UNC13C: variants seen among roughly 807,000 people sequenced by gnomAD.
UNC13C encodes unc-13 homolog C, also known as protein unc-13 homolog C.
Under a neutral mutation model 245.4 loss-of-function variants are expected in UNC13C, and 174 were observed. The ratio of observed to expected loss-of-function variants is 0.71; its 90% CI spans 0.63 to 0.80. The LOEUF (loss-of-function observed/expected upper bound fraction) is 0.80. Ranked by LOEUF, UNC13C falls within the 30% of genes least tolerant of loss-of-function variation. The probability of loss-of-function intolerance (pLI) is 0.00; values close to 1 mark genes in which losing one functional copy is unlikely to be tolerated. For missense variants in UNC13C, 2,829 were observed against 2,602.9 expected (o/e 1.09, Z -1.89); for synonymous variants, 992 against 895.1 (o/e 1.11, Z -1.93).
intron 10 of UNC13C, among the ~76,000 whole-genome samples, chr15:54,278,862 A>G (rs963866831): frequency 6.6e-6 from 1 of 152,184 alleles, no homozygotes; most frequent in Non-Finnish European, 1.5e-5. Context: ...TATGTGAACC[A>G]TCAGTCTTAC....
rs758225355 is a variant in UNC13C at position 54,098,262 on chromosome 15, C to T, written c.2984-44756C>T. 2.2e-4 allele frequency among the ~76,000 whole-genome samples: 34 copies of T among 152,256 alleles called. 1 individual carries two copies. Among genetic ancestry groups the T allele is most frequent in the Admixed American group, 6.5e-4 (10 of 15,290 alleles). On this transcript the variant is annotated intron_variant, in intron 2 of 32. Transcript: ENST00000260323. ...TGATGTTGGCTCACTGCAACCTCTGCCTGCTGGGTTCAAGCAATTCCACTG... is the reference window on the plus strand; with the variant it reads ...TGATGTTGGCTCACTGCAACCTCTGTCTGCTGGGTTCAAGCAATTCCACTG...
intron 14 of UNC13C, among the ~76,000 whole-genome samples, chr15:54,325,830 A>C (rs576852895): frequency 6.6e-6 from 1 of 152,216 alleles, no homozygotes; most frequent in Non-Finnish European, 1.5e-5. Flanking sequence ...AAAAAGAGAG[A>C]TTGGGCAAGG....
chr15:54,058,891 G>C (rs974447499), intron 2 of UNC13C, among the ~76,000 whole-genome samples: 17 of 152,222 alleles, frequency 1.1e-4, no homozygotes, highest in African/African-American at 4.1e-4. Context: ...TGCAGAAAAG[G>C]CCTTTGACAA....
chr15:54,271,706 T>G (rs2036692055), intron 10 of UNC13C, among the ~76,000 whole-genome samples: 1 of 152,204 alleles, frequency 6.6e-6, no homozygotes, highest in Admixed American at 6.5e-5. Flanking sequence ...ATGTGTTACT[T>G]AATCTGTTTT....
chr15:54,119,219 C>T (rs567778387), intron 2 of UNC13C, among the ~76,000 whole-genome samples: 1 of 152,148 alleles, frequency 6.6e-6, no homozygotes, highest in East Asian at 1.9e-4. Flanking sequence ...CGTTTTTTTA[C>T]AAATCAAAGG....
intron 17 of UNC13C, among the ~76,000 whole-genome samples, chr15:54,379,942 G>C (rs1470410576): frequency 6.6e-6 from 1 of 152,114 alleles, no homozygotes; most frequent in Non-Finnish European, 1.5e-5. Flanking sequence ...ACTCAATCTA[G>C]CTAATTGATA....
chr15:54,475,947 C>A (rs913394602), intron 19 of UNC13C, among the ~76,000 whole-genome samples: 1 of 113,448 alleles, frequency 8.8e-6, no homozygotes, highest in African/African-American at 3.4e-5. Flanking sequence ...GTTCCTATTT[C>A]TCCACATCCT....
At chr15:54,237,796 TC>T in intron 7 of UNC13C, 106 bp downstream of exon 7, 1 of 984,410 alleles carries the variant, frequency 1.0e-6, no homozygotes, top group Non-Finnish European at 1.5e-6. Context: ...AGTCCAATGT[TC>T]CAGAAATAAC....
At chr15:54,241,165 G>A (rs2035841238) in intron 7 of UNC13C, among the ~76,000 whole-genome samples, 1 of 152,116 alleles carries the variant, frequency 6.6e-6, no homozygotes. Context: ...AAATGACTAA[G>A]CATAAGAGGG....
chr15:54,469,711 A>AT (rs1281348771), intron 19 of UNC13C, among the ~76,000 whole-genome samples: 4 of 151,584 alleles, frequency 2.6e-5, no homozygotes, highest in African/African-American at 2.4e-5. Context: ...ATTTTGTGGA[A>AT]TTTTTTGTGA....
chr15:53,976,487 T>TTTTTTTTTTTTTTTTC, upstream of UNC13C, among the ~76,000 whole-genome samples: 1 of 133,694 alleles, frequency 7.5e-6, no homozygotes, highest in Non-Finnish European at 1.6e-5. Context: ...CTTTTTTTTT[T>TTTTTTTTTTTTTTTTC]TTTTTTTTCA....
the UNC13C span, among the ~76,000 whole-genome samples, chr15:53,924,640 A>G: frequency 6.6e-6 from 1 of 152,188 alleles, no homozygotes; most frequent in Non-Finnish European, 1.5e-5. Context: ...TATGTAATTT[A>G]CTCAGAAAAT....
At chr15:54,573,841 A>G (rs1189271694) in intron 30 of UNC13C, among the ~76,000 whole-genome samples, 1 of 152,178 alleles carries the variant, frequency 6.6e-6, no homozygotes, top group Non-Finnish European at 1.5e-5. Flanking sequence ...TCTGGCTCTA[A>G]ATAGTAATAG....
At chr15:53,873,639 C>T in the UNC13C span, among the ~76,000 whole-genome samples, 11 of 110,614 alleles carry the variant, frequency 9.9e-5, no homozygotes, top group East Asian at 2.6e-4. Context: ...CCCTGATGCA[C>T]GAAGTGATTC....
intron 2 of UNC13C, among the ~76,000 whole-genome samples, chr15:54,114,861 T>C (rs1419565329): frequency 6.6e-6 from 1 of 152,110 alleles, no homozygotes; most frequent in Non-Finnish European, 1.5e-5. Flanking sequence ...ATTTAATTAT[T>C]TTCCGTTCCA....
the UNC13C span, among the ~76,000 whole-genome samples, chr15:53,945,870 T>C: frequency 6.6e-6 from 1 of 152,362 alleles, no homozygotes; most frequent in South Asian, 2.1e-4. Flanking sequence ...TGATTCTTCC[T>C]ATCCATGAGT....
chr15:54,150,014 A>G (rs1387811652), intron 4 of UNC13C, among the ~76,000 whole-genome samples: 1 of 152,218 alleles, frequency 6.6e-6, no homozygotes, highest in East Asian at 1.9e-4. Context: ...GGATCCTGGA[A>G]CTAATCTCCT....
intron 1 of UNC13C, among the ~76,000 whole-genome samples, chr15:53,985,089 C>G (rs1894077530): frequency 6.6e-6 from 1 of 151,550 alleles, no homozygotes; most frequent in South Asian, 2.1e-4. Context: ...CTCTAAGTTC[C>G]CTCCCCTCAA....
At chr15:54,437,100 GGT>G (rs1428831470) in intron 19 of UNC13C, among the ~76,000 whole-genome samples, 1 of 151,858 alleles carries the variant, frequency 6.6e-6, no homozygotes, top group Non-Finnish European at 1.5e-5. Flanking sequence ...TGGCATGTCT[GGT>G]AACAAACTTG....
Sources: allele counts gnomAD v4.1 joint callset (sites outside exome capture counted in the v4.1 genomes callset), GRCh38; gene constraint gnomAD v4.1.1; transcripts MANE v1.5; gene names NCBI Gene and HGNC (gene_info 2026-07-23, HGNC 2026-07-21).